Variants in DAB1 observed in about 807,000 individuals in gnomAD.
The protein encoded by DAB1 is DAB adaptor protein 1, also known as disabled homolog 1.
Under a neutral mutation model 64.6 loss-of-function variants are expected in DAB1, and 15 were observed. The observed-to-expected ratio is 0.23, with a 90% CI of 0.16 to 0.36. The LOEUF (loss-of-function observed/expected upper bound fraction) is 0.36, where lower values mean the gene tolerates loss of function less well. Among genes scored for constraint, DAB1 ranks in the 10% least tolerant of loss-of-function variants. The probability of loss-of-function intolerance (pLI) is 1.00; values close to 1 mark genes in which losing one functional copy is unlikely to be tolerated. For missense variants in DAB1, 596 were observed against 706.7 expected, an observed-to-expected ratio of 0.84 and a Z score of 1.78; for synonymous variants, 235 against 251.9, an observed-to-expected ratio of 0.93 and a Z score of 0.64.
At chr1:58,373,427 G>T (rs1644289411) in intron 3 of DAB1, among the ~76,000 whole-genome samples, 2 of 148,768 alleles carry the variant, frequency 1.3e-5, no homozygotes, top group Non-Finnish European at 3.0e-5. Context: ...GCGGTGTTTG[G>T]TTTTTTGTTC....
chr1:57,328,534 T>C (rs779589045), intron 1 of DAB1, among the ~76,000 whole-genome samples: 1 of 152,220 alleles, frequency 6.6e-6, no homozygotes, highest in Non-Finnish European at 1.5e-5. Flanking sequence ...GCACGTTTTA[T>C]ATACCTTATT....
chr1:57,091,604 A>G (rs1368257903), intron 4 of DAB1, among the ~76,000 whole-genome samples: 1 of 152,200 alleles, frequency 6.6e-6, no homozygotes. Flanking sequence ...TCATCTTGAT[A>G]GAAGCAGCAA....
chr1:58,132,890 A>G (rs942482992), intron 5 of DAB1, among the ~76,000 whole-genome samples: 1 of 152,146 alleles, frequency 6.6e-6, no homozygotes, highest in Non-Finnish European at 1.5e-5. Flanking sequence ...ATCAGTTCTG[A>G]TATCTGTGTT....
intron 7 of DAB1, among the ~76,000 whole-genome samples, chr1:57,592,078 G>C (rs1645452104): frequency 6.6e-6 from 1 of 152,198 alleles, no homozygotes; most frequent in African/African-American, 2.4e-5. Flanking sequence ...CCCTTTAGCA[G>C]AAAGCCTGGG....
At chr1:57,473,429 G>A (rs1212893346) in intron 7 of DAB1, among the ~76,000 whole-genome samples, 3 of 152,156 alleles carry the variant, frequency 2.0e-5, no homozygotes, top group Non-Finnish European at 1.5e-5. Context: ...ACTCTCCAGT[G>A]CAAGCTCCAG....
chr1:57,328,380 A>G (rs75247557), intron 1 of DAB1, among the ~76,000 whole-genome samples: 4,669 of 152,248 alleles, frequency 0.031, 121 homozygotes, highest in Non-Finnish European at 0.044. Flanking sequence ...CCCTGAGACC[A>G]CACATGAGCT....
intron 5 of DAB1, among the ~76,000 whole-genome samples, chr1:58,118,628 C>CAT (rs928399296): frequency 6.3e-5 from 8 of 127,230 alleles, no homozygotes; most frequent in East Asian, 2.3e-4. Context: ...ATATAAAATA[C>CAT]ATATATATAT....
At chr1:57,915,592 G>T (rs1644714823) in intron 5 of DAB1, among the ~76,000 whole-genome samples, 1 of 152,130 alleles carries the variant, frequency 6.6e-6, no homozygotes, top group Non-Finnish European at 1.5e-5. Context: ...CTTCTTAGGA[G>T]AAACATTTCT....
chr1:57,772,020 T>A (rs1471450788), intron 6 of DAB1, among the ~76,000 whole-genome samples: 2 of 152,088 alleles, frequency 1.3e-5, no homozygotes, highest in Non-Finnish European at 2.9e-5. Context: ...TTTGAATGTG[T>A]CCCCCAAAAA....
intron 3 of DAB1, among the ~76,000 whole-genome samples, chr1:58,350,006 G>T (rs188371262): frequency 3.3e-5 from 5 of 152,160 alleles, no homozygotes; most frequent in African/African-American, 1.2e-4. Context: ...TGGTATTTCT[G>T]GTTCTAGATC....
chr1:57,033,193 C>T (rs1342436), intron 9 of DAB1, among the ~76,000 whole-genome samples: 20 of 151,906 alleles, frequency 1.3e-4, no homozygotes, highest in South Asian at 4.2e-4. Context: ...CACACACACA[C>T]GTGTACATAC....
intron 3 of DAB1, among the ~76,000 whole-genome samples, chr1:58,409,748 G>A (rs1290276034): frequency 6.6e-6 from 1 of 152,116 alleles, no homozygotes; most frequent in East Asian, 1.9e-4. Context: ...GCATTAAAAG[G>A]TTCCTAGTTT....
intron 4 of DAB1, among the ~76,000 whole-genome samples, chr1:58,320,282 T>A (rs1451458182): frequency 6.6e-6 from 1 of 152,188 alleles, no homozygotes; most frequent in Non-Finnish European, 1.5e-5. Context: ...CCAAGTAAGT[T>A]CTGAAAGCAT....
At chr1:58,294,020 C>T (rs1239693562) in intron 4 of DAB1, among the ~76,000 whole-genome samples, 1 of 152,106 alleles carries the variant, frequency 6.6e-6, no homozygotes, top group African/African-American at 2.4e-5. Context: ...GGTTTATTTC[C>T]TGTTTCATTC....
At chr1:57,931,564 G>A (rs1047567034) in intron 5 of DAB1, among the ~76,000 whole-genome samples, 8 of 152,142 alleles carry the variant, frequency 5.3e-5, no homozygotes, top group African/African-American at 1.7e-4. Flanking sequence ...GTGTCTTCTT[G>A]TGTGGGTTTT....
chr1:57,212,964 G>T (rs1249862755), intron 2 of DAB1, among the ~76,000 whole-genome samples: 1 of 152,178 alleles, frequency 6.6e-6, no homozygotes, highest in Non-Finnish European at 1.5e-5. Flanking sequence ...AGTGTGGCAG[G>T]CAGGGGGCTG....
chr1:58,336,534 C>T (rs2100500390), intron 4 of DAB1, among the ~76,000 whole-genome samples: 1 of 152,162 alleles, frequency 6.6e-6, no homozygotes, highest in East Asian at 1.9e-4. Context: ...ATTATGATTC[C>T]CATTTTGCAA....
intron 1 of DAB1, among the ~76,000 whole-genome samples, chr1:57,371,278 C>G (rs945196110): frequency 5.3e-5 from 8 of 152,226 alleles, no homozygotes; most frequent in African/African-American, 1.9e-4. Context: ...ACATCCAACT[C>G]ACTGACTGTT....
At chr1:57,005,053 AG>A (rs1382816451) in intron 14 of DAB1, among the ~76,000 whole-genome samples, 1 of 152,268 alleles carries the variant, frequency 6.6e-6, no homozygotes, top group East Asian at 1.9e-4. Context: ...AGGGTAGAAA[AG>A]TCTTCTAAAC....
Sources: gnomAD v4.1 joint callset for allele counts (sites outside exome capture counted in the v4.1 genomes callset) on GRCh38, gnomAD v4.1.1 for gene constraint, MANE v1.5 for transcripts, NCBI Gene and HGNC (gene_info 2026-07-23, HGNC 2026-07-21) for gene names.